The following C7orf33 variants were observed in gnomAD, a reference collection of about 807,000 sequenced individuals.
C7orf33 encodes the protein chromosome 7 open reading frame 33.
A neutral mutation model predicts 13.4 loss-of-function variants in C7orf33; 15 were observed. The observed-to-expected ratio is 1.12, with a 90% CI of 0.75 to 1.72. The LOEUF is 1.72. Among genes scored for constraint, C7orf33 ranks in the 40% most tolerant of loss-of-function variants. The pLI, the probability that C7orf33 is intolerant of heterozygous loss-of-function variation, is 0.00. For missense variants in C7orf33, 187 were observed against 220.3 expected (o/e 0.85, Z 0.96); for synonymous variants, 73 against 83.2 (o/e 0.88, Z 0.67).
intron 1 of C7orf33, among the ~76,000 whole-genome samples, chr7:148,613,138 G>T (rs979521896): frequency 5.9e-5 from 9 of 152,036 alleles, no homozygotes; most frequent in African/African-American, 1.9e-4. Flanking sequence ...CCTCTCCCTG[G>T]AGTCTCCTCC....
intron 1 of C7orf33, among the ~76,000 whole-genome samples, chr7:148,598,717 C>A (rs1796371697): frequency 3.0e-5 from 2 of 66,250 alleles, no homozygotes; most frequent in South Asian, 5.4e-4. Context: ...AAAAAAATTT[C>A]ATTCCTGGAT....
intron 1 of C7orf33, among the ~76,000 whole-genome samples, chr7:148,605,827 A>G (rs1023864999): frequency 6.6e-6 from 1 of 152,164 alleles, no homozygotes; most frequent in African/African-American, 2.4e-5. Flanking sequence ...TTTATAATGA[A>G]CACATTTTTA....
intron 1 of C7orf33, among the ~76,000 whole-genome samples, chr7:148,597,833 G>A (rs1304479607): frequency 6.6e-6 from 1 of 152,078 alleles, no homozygotes; most frequent in East Asian, 1.9e-4. Context: ...TCAGCTTACT[G>A]CAAGCTCCGC....
At position 148,615,332 on chromosome 7, in the gene C7orf33, T is replaced by C. The variant is rs1796590777; in HGVS notation, c.465T>C (p.Arg155=). 1 of 1,609,652 alleles carries C rather than the reference T, an allele frequency of 6.2e-7. No individual in the cohort carries two copies. Among genetic ancestry groups the C allele is most frequent in the East Asian group, 2.2e-5 (1 of 44,852 alleles). ...TCTTCGTAATCCACATGTAGGTACG[T>C]GGGCATGAAGTAAGAAAGCTCCAGA... is the stretch of plus-strand genomic sequence containing the variant. ...RTVTSSYLNV[R]GHEVRKLQNS... is the part of the protein sequence containing the mutation. Residue 155 remains arginine, a synonymous_variant, in exon 3 of 3, where the codon CGT becomes CGC. Coordinates refer to ENST00000307003, the MANE Select transcript of C7orf33 (RefSeq NM_145304.4).
In C7orf33 at chr7:148,614,069, C is replaced by A; in HGVS notation, c.232C>A (p.Arg78=). The change falls in exon 2 of 3, where the codon CGG becomes AGG. Residue 78 remains arginine, a synonymous_variant. Coordinates refer to ENST00000307003, the MANE Select transcript of C7orf33 (RefSeq NM_145304.4). The part of the protein sequence containing the change: ...KKPNPHQNMN[R]GMEFIAPVSA... ...GCCAAACCCACACCAAAACATGAAC[C>A]GGGGGATGGAATTTATTGCTCCTGT... 1 of 1,614,050 alleles carries A rather than the reference C, an allele frequency of 6.2e-7. No homozygotes were observed. Among genetic ancestry groups the A allele is most frequent in the Non-Finnish European group, 8.5e-7 (1 of 1,179,986 alleles).
intron 1 of C7orf33, among the ~76,000 whole-genome samples, chr7:148,596,620 C>A (rs1258612926): frequency 6.6e-6 from 1 of 152,138 alleles, no homozygotes; most frequent in African/African-American, 2.4e-5. Flanking sequence ...GAGACTTACT[C>A]ACTACCATCA....
intron 1 of C7orf33, among the ~76,000 whole-genome samples, chr7:148,606,344 A>T (rs1796472521): frequency 6.6e-6 from 1 of 152,234 alleles, no homozygotes; most frequent in African/African-American, 2.4e-5. Context: ...ATTAGAATTT[A>T]TCAAAATCTG....
At chr7:148,592,959 C>A (rs528466599) in intron 1 of C7orf33, among the ~76,000 whole-genome samples, 13 of 151,842 alleles carry the variant, frequency 8.6e-5, no homozygotes, top group African/African-American at 2.9e-4. Context: ...TCCTGCCTCA[C>A]CCTCCCCAGT....
intron 1 of C7orf33, among the ~76,000 whole-genome samples, chr7:148,595,271 A>G (rs1456627188): frequency 1.5e-4 from 22 of 143,310 alleles, no homozygotes. Context: ...ATATAGAGAT[A>G]TCTATATTAT....
At chr7:148,613,493 A>G (rs1353378513) in intron 1 of C7orf33, among the ~76,000 whole-genome samples, 2 of 152,266 alleles carry the variant, frequency 1.3e-5, no homozygotes, top group Non-Finnish European at 2.9e-5. Flanking sequence ...ATTAAAAGGA[A>G]TGAAGTTCCG....
At chr7:148,610,150 G>T (rs1013506068) in intron 1 of C7orf33, among the ~76,000 whole-genome samples, 4 of 152,244 alleles carry the variant, frequency 2.6e-5, no homozygotes, top group African/African-American at 9.6e-5. Context: ...GAATCACTTT[G>T]TGGGAAGTTT....
In C7orf33 at chr7:148,604,212, C is replaced by T. The variant is rs764319181; in HGVS notation, c.205-9830C>T. Among the ~76,000 whole-genome samples the T allele has an allele frequency of 2.0e-5, 3 of 151,758 alleles. No individual in the cohort carries two copies. In the South Asian group the frequency reaches 6.2e-4, roughly 32 times the overall value. On this transcript the variant is annotated intron_variant, in intron 1 of 2. Transcript: ENST00000307003. Reference sequence around the variant, plus strand: ...CACAATCTCAGCTCACTGCAACATCCGCCTCCTGGGTTCAAGCAATTCTCC... The same window carrying T: ...CACAATCTCAGCTCACTGCAACATCTGCCTCCTGGGTTCAAGCAATTCTCC...
chr7:148,609,974 C>T (rs556788948), intron 1 of C7orf33, among the ~76,000 whole-genome samples: 3 of 152,258 alleles, frequency 2.0e-5, no homozygotes, highest in African/African-American at 7.2e-5. Context: ...TCCAAGAAGA[C>T]TCAATAATGC....
chr7:148,594,180 T>TTC (rs1554447945), intron 1 of C7orf33, among the ~76,000 whole-genome samples: 2 of 150,218 alleles, frequency 1.3e-5, no homozygotes, highest in African/African-American at 4.9e-5. Context: ...TCTTTTTTTT[T>TTC]TTTTTTTTTT....
At chr7:148,600,079 G>A (rs1339457569) in intron 1 of C7orf33, among the ~76,000 whole-genome samples, 1 of 151,858 alleles carries the variant, frequency 6.6e-6, no homozygotes, top group African/African-American at 2.4e-5. Context: ...TTTGTGGTAG[G>A]AAAACAGGCT....
intron 1 of C7orf33, among the ~76,000 whole-genome samples, chr7:148,597,775 A>G (rs1473027545): frequency 8.9e-6 from 1 of 112,542 alleles, no homozygotes. Flanking sequence ...TTTTGTTTTG[A>G]GACGGAATCT....
At chr7:148,600,449 T>C (rs1796398977) in intron 1 of C7orf33, among the ~76,000 whole-genome samples, 2 of 152,080 alleles carry the variant, frequency 1.3e-5, no homozygotes, top group Non-Finnish European at 2.9e-5. Context: ...GCAGCCTGGG[T>C]GACAGAGCAA....
At chr7:148,610,532 G>A (rs1015904358) in intron 1 of C7orf33, among the ~76,000 whole-genome samples, 2 of 152,114 alleles carry the variant, frequency 1.3e-5, no homozygotes, top group African/African-American at 4.8e-5. Flanking sequence ...GGAGCCTTGT[G>A]AGCATGTGAG....
intron 1 of C7orf33, among the ~76,000 whole-genome samples, chr7:148,594,954 G>T (rs1027513410): frequency 6.6e-6 from 1 of 152,058 alleles, no homozygotes; most frequent in African/African-American, 2.4e-5. Context: ...CCACAAGACA[G>T]TGTCCCCATC....
Sources: allele counts gnomAD v4.1 joint callset (sites outside exome capture counted in the v4.1 genomes callset), GRCh38; gene constraint gnomAD v4.1.1; transcripts MANE v1.5; gene names NCBI Gene and HGNC (gene_info 2026-07-23, HGNC 2026-07-21).